ZNF678: variants seen among roughly 807,000 people sequenced by gnomAD.
ZNF678 encodes zinc finger protein 678.
Under a neutral mutation model 3.0 loss-of-function variants are expected in ZNF678, and 5 were observed. The ratio of observed to expected loss-of-function variants is 1.69; its 90% confidence interval spans 0.88 to 3.56. The LOEUF is 3.56. ZNF678 is among the 30% of genes most tolerant of loss of function. The pLI is 0.00. For missense variants in ZNF678, 593 were observed against 605.0 expected, an observed-to-expected ratio of 0.98 and a Z score of 0.21; for synonymous variants, 218 against 199.6, an observed-to-expected ratio of 1.09 and a Z score of -0.78.
At chr1:227,570,820 T>C (rs563693813) in intron 1 of ZNF678, among the ~76,000 whole-genome samples, 1 of 152,298 alleles carries the variant, frequency 6.6e-6, no homozygotes, top group African/African-American at 2.4e-5. Context: ...AAGAACAACA[T>C]GGTAGAATTT....
At chr1:227,580,613 TTCTAAG>T (rs1657101394) in intron 1 of ZNF678, among the ~76,000 whole-genome samples, 1 of 152,082 alleles carries the variant, frequency 6.6e-6, no homozygotes, top group Admixed American at 6.6e-5. Context: ...TTTATCTAAC[TTCTAAG>T]TCTATTTTGG....
intron 1 of ZNF678, among the ~76,000 whole-genome samples, chr1:227,607,028 A>G (rs1158578799): frequency 1.3e-5 from 2 of 152,170 alleles, no homozygotes; most frequent in African/African-American, 4.8e-5. Context: ...CACAGAAAGT[A>G]TTTGGGAAGG....
At chr1:227,636,722 A>C (rs1484198748) in intron 1 of ZNF678, among the ~76,000 whole-genome samples, 1 of 152,132 alleles carries the variant, frequency 6.6e-6, no homozygotes, top group Non-Finnish European at 1.5e-5. Flanking sequence ...TGGAGGAAGG[A>C]GTAGCCTTGG....
At chr1:227,585,669 A>ACCT (rs1657241032) in intron 1 of ZNF678, among the ~76,000 whole-genome samples, 2 of 152,056 alleles carry the variant, frequency 1.3e-5, no homozygotes, top group Non-Finnish European at 1.5e-5. Context: ...GCTACTCAGG[A>ACCT]GGCTGAGGCA....
At chr1:227,627,870 C>A (rs10916176) in intron 1 of ZNF678, among the ~76,000 whole-genome samples, 73,097 of 152,016 alleles carry the variant, frequency 0.48, 18,746 homozygotes, top group African/African-American at 0.67. Flanking sequence ...GCTCAGGATC[C>A]GTCAAGGGAA....
chr1:227,625,004 C>A (rs969034638), intron 1 of ZNF678, among the ~76,000 whole-genome samples: 4 of 152,104 alleles, frequency 2.6e-5, no homozygotes, highest in African/African-American at 9.7e-5. Flanking sequence ...GGGAAGGGAC[C>A]CAAAGGGGGT....
At chr1:227,576,247 G>A (rs764895308) in intron 1 of ZNF678, among the ~76,000 whole-genome samples, 4 of 152,172 alleles carry the variant, frequency 2.6e-5, no homozygotes, top group Non-Finnish European at 5.9e-5. Flanking sequence ...TTGGTATCAG[G>A]ATGATGCTGG....
In ZNF678 at chr1:227,654,941, C is replaced by G; in HGVS notation, c.691C>G (p.His231Asp). ...AAACCTTACACAACATAAGAGAATT[C>G]ATACTGGAGAGAAACCCTACAAATG... ...FSNLTQHKRIHTGEKPYKCKE... is the reference protein window; with the variant it reads ...FSNLTQHKRIDTGEKPYKCKE... The change falls in exon 4 of 4, where the codon CAT becomes GAT. Residue 231 changes from histidine (H) to aspartate (D), a missense_variant. Coordinates refer to ENST00000343776, the MANE Select transcript of ZNF678 (RefSeq NM_001367909.1). 6.2e-7 allele frequency: 1 copy of G among 1,612,612 alleles called. No homozygotes were observed. Among genetic ancestry groups the G allele is most frequent in the Non-Finnish European group, 8.5e-7 (1 of 1,179,456 alleles).
downstream of ZNF678, among the ~76,000 whole-genome samples, chr1:227,667,053 T>A (rs1659515097): frequency 6.7e-6 from 1 of 149,044 alleles, no homozygotes; most frequent in Admixed American, 6.7e-5. Flanking sequence ...CCTCTCCTCT[T>A]TTTTTTTTTA....
chr1:227,650,658 T>C (rs1659067757), intron 2 of ZNF678, among the ~76,000 whole-genome samples: 2 of 152,180 alleles, frequency 1.3e-5, no homozygotes, highest in Admixed American at 1.3e-4. Context: ...GTTTCTTTTA[T>C]CAATATTTTA....
chr1:227,636,816 T>C (rs951491191), intron 1 of ZNF678, among the ~76,000 whole-genome samples: 2 of 152,182 alleles, frequency 1.3e-5, no homozygotes, highest in African/African-American at 4.8e-5. Flanking sequence ...TATCACAGTG[T>C]AGGGGCCTGT....
At chr1:227,572,683 G>A (rs1267135936) in intron 1 of ZNF678, among the ~76,000 whole-genome samples, 1 of 152,124 alleles carries the variant, frequency 6.6e-6, no homozygotes, top group Non-Finnish European at 1.5e-5. Context: ...TTGTAAAGGG[G>A]CCTTTCCGGA....
chr1:227,588,506 C>CTTTTT (rs747086047), intron 1 of ZNF678, among the ~76,000 whole-genome samples: 4 of 135,916 alleles, frequency 2.9e-5, no homozygotes, highest in African/African-American at 8.4e-5. Flanking sequence ...GTTTTTTTTA[C>CTTTTT]TTTTTTTTTT....
intron 5 of ZNF678, among the ~76,000 whole-genome samples, chr1:227,669,528 A>G (rs937548566): frequency 2.6e-5 from 4 of 152,012 alleles, no homozygotes; most frequent in African/African-American, 9.7e-5. Flanking sequence ...GTGCGCCTGT[A>G]GTCCCAGCTA....
At chr1:227,629,770 GACA>G (rs1326705198) in intron 1 of ZNF678, among the ~76,000 whole-genome samples, 1 of 152,204 alleles carries the variant, frequency 6.6e-6, no homozygotes, top group Non-Finnish European at 1.5e-5. Flanking sequence ...TGATTCCCTT[GACA>G]TAAGGGGCAT....
chr1:227,651,009 T>C lies in ZNF678; in HGVS notation c.18T>C (p.Leu6=), dbSNP rs1659076511. Residue 6 remains leucine (L), a synonymous_variant, in exon 3 of 4, where the codon CTT becomes CTC. Transcript: ENST00000343776. MGTIS[L]CIGVCAFEGA... ...CATTGATAATGGGCACAATATCACT[T>C]TGCATTGGTGTCTGTGCATTTGAAG... is the stretch of plus-strand genomic sequence containing the variant. The C allele has an allele frequency of 6.8e-6, 11 of 1,613,070 alleles. No homozygotes were observed. Among genetic ancestry groups the C allele is most frequent in the Non-Finnish European group, 2.5e-6 (3 of 1,179,748 alleles).
intron 1 of ZNF678, among the ~76,000 whole-genome samples, chr1:227,572,706 C>G (rs914363715): frequency 4.6e-5 from 7 of 152,206 alleles, no homozygotes; most frequent in African/African-American, 1.7e-4. Context: ...CCCAAGTGTG[C>G]TGGACAACTC....
chr1:227,614,704 A>G (rs572717674), intron 1 of ZNF678, among the ~76,000 whole-genome samples: 32 of 152,192 alleles, frequency 2.1e-4, no homozygotes, highest in Admixed American at 6.5e-4. Flanking sequence ...CCAGTCTGCA[A>G]GGTGCTGCCT....
At chr1:227,592,496 G>A (rs537654186) in intron 1 of ZNF678, among the ~76,000 whole-genome samples, 2 of 152,328 alleles carry the variant, frequency 1.3e-5, no homozygotes, top group East Asian at 3.9e-4. Flanking sequence ...TGACACATAG[G>A]GTGTAAAGGG....
Sources: gnomAD v4.1 joint callset for allele counts (sites outside exome capture counted in the v4.1 genomes callset) on GRCh38, gnomAD v4.1.1 for gene constraint, MANE v1.5 for transcripts, NCBI Gene and HGNC (gene_info 2026-07-23, HGNC 2026-07-21) for gene names.